ANK2: variants seen among roughly 807,000 people sequenced by gnomAD.
The protein encoded by ANK2 is ankyrin 2, also known as ankyrin-2.
Under a neutral mutation model 360.5 loss-of-function variants are expected in ANK2, and 83 were observed. The ratio of observed to expected loss-of-function variants is 0.23; its 90% CI spans 0.19 to 0.28. The LOEUF (loss-of-function observed/expected upper bound fraction) is 0.28. ANK2 is among the 10% of genes least tolerant of loss of function. The pLI, the probability that ANK2 is intolerant of heterozygous loss-of-function variation, is 1.00. For missense variants in ANK2, 4,201 were observed against 4,795.7 expected, an observed-to-expected ratio of 0.88 and a Z score of 3.66; for synonymous variants, 1,740 against 1,759.5, an observed-to-expected ratio of 0.99 and a Z score of 0.28.
At chr4:113,227,884 A>G (rs567899741) in intron 4 of ANK2, among the ~76,000 whole-genome samples, 1 of 152,320 alleles carries the variant, frequency 6.6e-6, no homozygotes, top group Admixed American at 6.5e-5. Context: ...ATTAATAATT[A>G]CTTCAGGATA....
At chr4:112,831,617 T>TG (rs547969007) in intron 1 of ANK2, among the ~76,000 whole-genome samples, 391 of 152,168 alleles carry the variant, frequency 2.6e-3, no homozygotes, top group Non-Finnish European at 4.2e-3. Context: ...AGGATGTGGG[T>TG]GGGGTCACAT....
intron 2 of ANK2, among the ~76,000 whole-genome samples, chr4:112,971,290 A>G (rs921107503): frequency 2.6e-5 from 4 of 152,206 alleles, no homozygotes; most frequent in African/African-American, 9.6e-5. Flanking sequence ...CAGCAGACAG[A>G]CTTTATTCGC....
chr4:113,131,471 G>A (rs562203689), intron 1 of ANK2, among the ~76,000 whole-genome samples: 19 of 152,204 alleles, frequency 1.2e-4, no homozygotes, highest in Non-Finnish European at 2.6e-4. Flanking sequence ...CTCCTTGTTA[G>A]ACATATCAGT....
chr4:113,062,496 C>T (rs2073961880), intron 1 of ANK2, among the ~76,000 whole-genome samples: 1 of 152,050 alleles, frequency 6.6e-6, no homozygotes, highest in African/African-American at 2.4e-5. Flanking sequence ...TGTATGACTA[C>T]ATATCACTCT....
intron 22 of ANK2, among the ~76,000 whole-genome samples, chr4:113,299,808 A>C (rs1563546625): frequency 6.6e-6 from 1 of 152,098 alleles, no homozygotes; most frequent in Non-Finnish European, 1.5e-5. Flanking sequence ...ACTTTCCCTA[A>C]TACAGGAAAA....
chr4:112,788,429 G>A, the ANK2 span: 1 of 1,598,810 alleles, frequency 6.3e-7, no homozygotes, highest in Non-Finnish European at 8.5e-7. Context: ...CACCAGCTGA[G>A]CTTTCTTGTT....
the ANK2 span, among the ~76,000 whole-genome samples, chr4:112,793,271 C>T: frequency 6.6e-6 from 1 of 151,852 alleles, no homozygotes; most frequent in African/African-American, 2.4e-5. Flanking sequence ...ATGTATGTAA[C>T]AGAATTGCAC....
chr4:112,812,871 G>A, the ANK2 span, among the ~76,000 whole-genome samples: 1 of 152,030 alleles, frequency 6.6e-6, no homozygotes, highest in African/African-American at 2.4e-5. Flanking sequence ...TACATTCTCT[G>A]CCTCAGATTT....
chr4:112,745,180 A>G, the ANK2 span, among the ~76,000 whole-genome samples: 3 of 152,238 alleles, frequency 2.0e-5, no homozygotes, highest in African/African-American at 7.2e-5. Flanking sequence ...GAAAAGTATT[A>G]CATACATTCA....
the ANK2 span, among the ~76,000 whole-genome samples, chr4:112,743,094 C>T: frequency 2.0e-5 from 3 of 152,170 alleles, no homozygotes; most frequent in African/African-American, 7.2e-5. Flanking sequence ...TATATTAGCT[C>T]AATACAGTGT....
chr4:113,177,168 C>A (rs2098243234), intron 2 of ANK2, among the ~76,000 whole-genome samples: 1 of 152,146 alleles, frequency 6.6e-6, no homozygotes, highest in African/African-American at 2.4e-5. Context: ...CAGGCTTCGT[C>A]CCCTGGGGTT....
Position 112,938,262 on chromosome 4 carries a change from C to T in ANK2, c.21+33748C>T, listed in dbSNP as rs555497108. Among the ~76,000 whole-genome samples the T allele has an allele frequency of 9.9e-5, 15 of 152,064 alleles. 1 individual carries two copies. The highest frequency in any genetic ancestry group is 3.6e-4 in the African/African-American group (15 of 41,464). On this transcript the variant is annotated intron_variant, in intron 2 of 30. Transcript: ENST00000503271. ...GGTTCATGGTGATTTGGTGAGTTACCCCTGGTGACTCATCTTAAGTGGATT... is the reference window on the plus strand; with the variant it reads ...GGTTCATGGTGATTTGGTGAGTTACTCCTGGTGACTCATCTTAAGTGGATT...
the ANK2 span, among the ~76,000 whole-genome samples, chr4:112,810,956 G>A: frequency 4.1e-5 from 6 of 146,830 alleles, no homozygotes; most frequent in African/African-American, 1.5e-4. Flanking sequence ...TTGAGACTGG[G>A]AATGAGTCTT....
intron 2 of ANK2, among the ~76,000 whole-genome samples, chr4:113,028,170 C>T (rs1032740743): frequency 1.3e-5 from 2 of 151,912 alleles, no homozygotes; most frequent in Admixed American, 1.3e-4. Flanking sequence ...CAATAGAGTG[C>T]AGCAAGTGCC....
the ANK2 span, among the ~76,000 whole-genome samples, chr4:112,725,728 A>T: frequency 6.6e-6 from 1 of 152,046 alleles, no homozygotes; most frequent in Non-Finnish European, 1.5e-5. Flanking sequence ...GAGTAGTCAA[A>T]TTTACAGAGG....
At chr4:113,073,723 G>GT (rs2078723523) in intron 1 of ANK2, among the ~76,000 whole-genome samples, 1 of 152,154 alleles carries the variant, frequency 6.6e-6, no homozygotes, top group Non-Finnish European at 1.5e-5. Flanking sequence ...CCATAGCTGT[G>GT]TTTTCTGAAA....
upstream of ANK2, among the ~76,000 whole-genome samples, chr4:113,046,625 G>C (rs551964729): frequency 3.9e-5 from 6 of 152,110 alleles, no homozygotes; most frequent in Non-Finnish European, 7.4e-5. Flanking sequence ...TCACCAGACA[G>C]TGAGCCTGCT....
At chr4:112,920,534 A>G (rs2091197819) in intron 2 of ANK2, among the ~76,000 whole-genome samples, 1 of 152,246 alleles carries the variant, frequency 6.6e-6, no homozygotes, top group South Asian at 2.1e-4. Flanking sequence ...AAATCTGAAC[A>G]AAGTACAACA....
the ANK2 span, among the ~76,000 whole-genome samples, chr4:112,778,350 T>C: frequency 2.8e-3 from 424 of 152,034 alleles, no homozygotes; most frequent in African/African-American, 9.8e-3. Context: ...TTTTGTATTT[T>C]TAGTAGAGAT....
Sources: allele counts gnomAD v4.1 joint callset (sites outside exome capture counted in the v4.1 genomes callset), GRCh38; gene constraint gnomAD v4.1.1; transcripts MANE v1.5; gene names NCBI Gene and HGNC (gene_info 2026-07-23, HGNC 2026-07-21).